Variants in IL6R observed in about 807,000 individuals in gnomAD.
IL6R encodes interleukin-6 receptor subunit alpha.
In IL6R, 38 loss-of-function variants were observed where a neutral mutation model predicts 48.3. The observed-to-expected ratio is 0.79, with a 90% confidence interval of 0.61 to 1.03. IL6R has a LOEUF of 1.03. Ranked by LOEUF, IL6R falls within the 50% of genes least tolerant of loss-of-function variation. The probability of loss-of-function intolerance (pLI) is 0.00; values close to 1 mark genes in which losing one functional copy is unlikely to be tolerated. For missense variants in IL6R, 534 were observed against 618.3 expected (o/e 0.86, Z 1.45); for synonymous variants, 264 against 256.2 (o/e 1.03, Z -0.29).
chr1:154,409,348 T>G (rs1687898346), intron 1 of IL6R, among the ~76,000 whole-genome samples: 1 of 152,124 alleles, frequency 6.6e-6, no homozygotes, highest in African/African-American at 2.4e-5. Context: ...TTTTCCTTTA[T>G]CCCCCTCTGC....
chr1:154,424,392 C>T (rs1688856292), intron 1 of IL6R, among the ~76,000 whole-genome samples: 1 of 152,196 alleles, frequency 6.6e-6, no homozygotes, highest in South Asian at 2.1e-4. Context: ...GGTCCTTGAC[C>T]CCTACCTTAG....
At chr1:154,456,477 G>A (rs1383468029) in intron 9 of IL6R, among the ~76,000 whole-genome samples, 1 of 152,158 alleles carries the variant, frequency 6.6e-6, no homozygotes, top group Non-Finnish European at 1.5e-5. Flanking sequence ...AAAGTGCTGG[G>A]ATTACAGGCG....
chr1:154,409,493 C>T (rs1053727867), intron 1 of IL6R, among the ~76,000 whole-genome samples: 3 of 152,160 alleles, frequency 2.0e-5, no homozygotes, highest in Non-Finnish European at 4.4e-5. Context: ...ACTTCTTTGA[C>T]AGCCAGTGTT....
chr1:154,454,536 G>C lies in IL6R; in HGVS notation c.1115G>C (p.Gly372Ala). ...VPLPTFLVAG[G>A]SLAFGTLLCI... is the part of the protein sequence containing the mutation. Reference sequence around the variant, plus strand: ...CTGCCCACATTCCTGGTTGCTGGAGGGAGCCTGGCCTTCGGAACGCTCCTC... The same window carrying C: ...CTGCCCACATTCCTGGTTGCTGGAGCGAGCCTGGCCTTCGGAACGCTCCTC... Residue 372 changes from glycine (G) to alanine (A), a missense_variant, in exon 9 of 10, where the codon GGG becomes GCG. By Grantham distance (60) the Gly-to-Ala change is moderately conservative. Coordinates refer to ENST00000368485, the MANE Select transcript of IL6R (RefSeq NM_000565.4). The C allele has an allele frequency of 6.2e-7, 1 of 1,613,870 alleles. No homozygotes were observed. The highest frequency in any genetic ancestry group is 1.1e-5 in the South Asian group (1 of 91,052).
At chr1:154,450,086 A>T (rs1482080580) in intron 8 of IL6R, 106 bp downstream of exon 8, 1 of 711,356 alleles carries the variant, frequency 1.4e-6, no homozygotes, top group Non-Finnish European at 2.6e-6. Flanking sequence ...TCAATCACAG[A>T]TCAATCGCAG....
chr1:154,410,326 A>G (rs894993952), intron 1 of IL6R, among the ~76,000 whole-genome samples: 1 of 151,206 alleles, frequency 6.6e-6, no homozygotes, highest in Non-Finnish European at 1.5e-5. Context: ...ATCACTGCTC[A>G]CTGCAGCCTC....
At chr1:154,429,569 G>A in intron 2 of IL6R, 125 bp downstream of exon 2, 1 of 1,184,240 alleles carries the variant, frequency 8.4e-7, no homozygotes. Context: ...TTTTGGGGAA[G>A]GCCCACCAAT....
At chr1:154,463,822 C>T (rs182914615) in intron 9 of IL6R, among the ~76,000 whole-genome samples, 1 of 152,320 alleles carries the variant, frequency 6.6e-6, no homozygotes, top group East Asian at 1.9e-4. Flanking sequence ...CACTGTGAAC[C>T]AAGCTGTGAT....
At chr1:154,428,561 C>A (rs1175076611) in intron 1 of IL6R, among the ~76,000 whole-genome samples, 1 of 152,250 alleles carries the variant, frequency 6.6e-6, no homozygotes, top group Non-Finnish European at 1.5e-5. Context: ...TCAGCAGACT[C>A]CTGCCATGGG....
intron 9 of IL6R, among the ~76,000 whole-genome samples, chr1:154,459,926 A>G (rs935402259): frequency 2.0e-5 from 3 of 152,100 alleles, no homozygotes; most frequent in Admixed American, 2.0e-4. Context: ...TCATTCCGGT[A>G]TTTTAAAATC....
At chr1:154,438,469 G>A (rs1271823646) in intron 6 of IL6R, among the ~76,000 whole-genome samples, 1 of 151,800 alleles carries the variant, frequency 6.6e-6, no homozygotes, top group Non-Finnish European at 1.5e-5. Context: ...GCCCTGTGGC[G>A]TAGTTGAACC....
At chr1:154,440,620 G>A (rs1244074140) in intron 6 of IL6R, among the ~76,000 whole-genome samples, 1 of 149,934 alleles carries the variant, frequency 6.7e-6, no homozygotes, top group Admixed American at 6.7e-5. Flanking sequence ...TTATCTCACT[G>A]TGGTTTTGAT....
At chr1:154,447,500 C>T (rs1690315187) in intron 6 of IL6R, among the ~76,000 whole-genome samples, 1 of 126,694 alleles carries the variant, frequency 7.9e-6, no homozygotes, top group African/African-American at 3.2e-5. Flanking sequence ...CACACACACA[C>T]ACATATATAT....
chr1:154,429,313 G>C lies in IL6R; in HGVS notation c.203G>C (p.Gly68Ala). 1 of 1,614,112 alleles carries C rather than the reference G, an allele frequency of 6.2e-7. No homozygotes were observed. Among genetic ancestry groups the C allele is most frequent in the Non-Finnish European group, 8.5e-7 (1 of 1,180,010 alleles). Residue 68 changes from glycine to alanine, a missense_variant, in exon 2 of 10, where the codon GGC (glycine) becomes GCC (alanine). Transcript: ENST00000368485. ...TGGGTGCTCAGGAAGCCGGCTGCAGGCTCCCACCCCAGCAGATGGGCTGGC... is the reference window on the plus strand; with the variant it reads ...TGGGTGCTCAGGAAGCCGGCTGCAGCCTCCCACCCCAGCAGATGGGCTGGC... ...VHWVLRKPAA[G>A]SHPSRWAGMG...
At chr1:154,436,309 T>C (rs956240014) in intron 6 of IL6R, among the ~76,000 whole-genome samples, 199 bp downstream of exon 6, 2 of 152,098 alleles carry the variant, frequency 1.3e-5, no homozygotes, top group Non-Finnish European at 2.9e-5. Context: ...AAACCCTGTC[T>C]CTACGAAAAA....
At chr1:154,452,493 C>T (rs1690640130) in intron 8 of IL6R, among the ~76,000 whole-genome samples, 1 of 152,198 alleles carries the variant, frequency 6.6e-6, no homozygotes, top group African/African-American at 2.4e-5. Flanking sequence ...AGTCTCTGCT[C>T]AGATGCACCC....
chr1:154,417,023 C>G (rs946443043), intron 1 of IL6R, among the ~76,000 whole-genome samples: 1 of 151,970 alleles, frequency 6.6e-6, no homozygotes, highest in Admixed American at 6.6e-5. Context: ...CTAAGGGGGT[C>G]AGGGAGGGGA....
At chr1:154,447,554 C>CATATATATACACAT (rs1553309724) in intron 6 of IL6R, among the ~76,000 whole-genome samples, 35,310 of 108,878 alleles carry the variant, frequency 0.32, 6,620 homozygotes, top group Admixed American at 0.45. Context: ...TATACACATA[C>CATATATATACACAT]ACATATATAT....
At chr1:154,446,131 A>G (rs771260836) in intron 6 of IL6R, among the ~76,000 whole-genome samples, 1 of 152,050 alleles carries the variant, frequency 6.6e-6, no homozygotes, top group African/African-American at 2.4e-5. Flanking sequence ...TCCTTTAGAT[A>G]CCCTGGGCTA....
Sources: gnomAD v4.1 joint callset for allele counts (sites outside exome capture counted in the v4.1 genomes callset) on GRCh38, gnomAD v4.1.1 for gene constraint, MANE v1.5 for transcripts, NCBI Gene and HGNC (gene_info 2026-07-23, HGNC 2026-07-21) for gene names.